CCDC186: variants seen among roughly 807,000 people sequenced by gnomAD.
CCDC186 encodes the protein coiled-coil domain containing 186.
CCDC186 carries 49 observed loss-of-function variants against 113.7 expected under a neutral mutation model. The observed-to-expected ratio is 0.43, with a 90% confidence interval of 0.34 to 0.55. The LOEUF (loss-of-function observed/expected upper bound fraction) is 0.55, where lower values mean the gene tolerates loss of function less well. CCDC186 is among the 20% of genes least tolerant of loss of function. The pLI, the probability that CCDC186 is intolerant of heterozygous loss-of-function variation, is 0.02. For missense variants in CCDC186, 890 were observed against 1,011.1 expected (o/e 0.88, Z 1.62); for synonymous variants, 355 against 345.8 (o/e 1.03, Z -0.30).
chr10:114,127,045 C>T (rs1443954347), intron 14 of CCDC186, among the ~76,000 whole-genome samples: 3 of 152,016 alleles, frequency 2.0e-5, no homozygotes, highest in African/African-American at 4.8e-5. Flanking sequence ...AATGAGATAC[C>T]GCCAAGCCAC....
chr10:114,131,471 T>G, intron 11 of CCDC186, 135 bp from the exon 12 acceptor site: 1 of 721,896 alleles, frequency 1.4e-6, no homozygotes, highest in South Asian at 3.0e-5. Flanking sequence ...CAGCTTTTGT[T>G]TACTTGAGCT....
At chr10:114,142,754 A>G (rs1024040596) in intron 6 of CCDC186, among the ~76,000 whole-genome samples, 1 of 152,234 alleles carries the variant, frequency 6.6e-6, no homozygotes, top group Non-Finnish European at 1.5e-5. Context: ...ACAGGACTGC[A>G]GTATTATTAG....
intron 6 of CCDC186, among the ~76,000 whole-genome samples, chr10:114,140,379 C>T (rs2031427773): frequency 6.6e-6 from 1 of 152,080 alleles, no homozygotes; most frequent in African/African-American, 2.4e-5. Flanking sequence ...AGGCTTTTGG[C>T]CTGAGCAATG....
At chr10:114,159,079 T>TA (rs1431128424) in intron 2 of CCDC186, among the ~76,000 whole-genome samples, 1 of 152,224 alleles carries the variant, frequency 6.6e-6, no homozygotes, top group African/African-American at 2.4e-5. Flanking sequence ...GTAGTCTAGA[T>TA]AGGCCTCTCT....
At chr10:114,149,750 A>G (rs1401549558) in intron 4 of CCDC186, among the ~76,000 whole-genome samples, 2 of 40,808 alleles carry the variant, frequency 4.9e-5, no homozygotes, top group Non-Finnish European at 1.1e-4. Flanking sequence ...GGAAGGCAGG[A>G]AGGCAGGAAG....
At chr10:114,160,823 T>C (rs1589630078) in intron 2 of CCDC186, among the ~76,000 whole-genome samples, 2 of 152,356 alleles carry the variant, frequency 1.3e-5, no homozygotes, top group East Asian at 3.9e-4. Flanking sequence ...AGAGTTAACC[T>C]GACTCACAAA....
chr10:114,165,849 C>CCA, intron 1 of CCDC186: 2 of 685,852 alleles, frequency 2.9e-6, no homozygotes, highest in Non-Finnish European at 3.4e-6. Context: ...CACTTTGTCT[C>CCA]AAAAAAAAAA....
chr10:114,149,564 AAAGGGAAGGGAAGGG>A lies in CCDC186; in HGVS notation c.888+1513_888+1527del, dbSNP rs750496913. Among the ~76,000 whole-genome samples, 464 of 47,836 alleles carry A rather than the reference AAAGGGAAGGGAAGGG, an allele frequency of 9.7e-3. 4 individuals are homozygous for A. Among genetic ancestry groups the A allele is most frequent in the African/African-American group, 0.019 (203 of 10,956 alleles). The allele number at this position is 47,836 out of a possible 152,430, so 31.4% of individuals were successfully genotyped here. On this transcript the variant is annotated intron_variant, in intron 4 of 15. Transcript: ENST00000369287. Reference sequence around the variant, plus strand: ...GAAGGGAAGGGAAGGGAAGGAAAGGAAAGGGAAGGGAAGGGAAGGGAAGGGAAGGGAAGGGAAGGG... The same window carrying A: ...GAAGGGAAGGGAAGGGAAGGAAAGGAAAGGGAAGGGAAGGGAAGGGAAGGG...
At chr10:114,150,974 G>C in intron 4 of CCDC186, 118 bp downstream of exon 4, 1 of 1,188,944 alleles carries the variant, frequency 8.4e-7, no homozygotes, top group Non-Finnish European at 1.1e-6. Flanking sequence ...TTATATAAAA[G>C]AATCACCTAG....
chr10:114,160,377 G>A (rs996637628), intron 2 of CCDC186, among the ~76,000 whole-genome samples: 3 of 152,164 alleles, frequency 2.0e-5, no homozygotes, highest in African/African-American at 7.2e-5. Flanking sequence ...GGCACAGGGG[G>A]TGAGGGAAAA....
At position 114,135,048 on chromosome 10, in the gene CCDC186, C is replaced by T. The variant is rs143940246; in HGVS notation, c.1520G>A (p.Cys507Tyr). The change falls in exon 10 of 16, where the codon TGT becomes TAT. Residue 507 changes from cysteine (C) to tyrosine (Y), a missense_variant. Physicochemically the swap from Cys to Tyr is radical, Grantham distance 194. Transcript: ENST00000369287. Reference protein sequence around the residue: ...ELRTLRTKVKCLEDERLRTED... With the variant: ...ELRTLRTKVKYLEDERLRTED... Reference sequence around the variant, plus strand: ...TGTTCTTAATCGTTCATCTTCTAGACATTTCACCTATCAAATGATCACAAC... The same window carrying T: ...TGTTCTTAATCGTTCATCTTCTAGATATTTCACCTATCAAATGATCACAAC... 8.1e-6 allele frequency: 13 copies of T among 1,604,436 alleles called. No individual in the cohort carries two copies. In the African/African-American group the frequency reaches 1.1e-4, roughly 13 times the overall value.
Position 114,123,131 on chromosome 10 carries a change from T to G in CCDC186, c.*2012A>C, listed in dbSNP as rs1392385026. The G allele has an allele frequency of 6.6e-6, 1 of 152,630 alleles. No individual in the cohort carries two copies. Among genetic ancestry groups the G allele is most frequent in the Non-Finnish European group, 1.5e-5 (1 of 68,020 alleles). 9.5% of individuals were successfully genotyped at this position (152,630 alleles called of 1,614,324 possible). A position where few individuals can be genotyped will look rare whatever the true frequency, so the allele number is the denominator to read the frequency against. ...ACTAGAAAAATTTAGTTATGTTGCC[T>G]ACTCAAAGTAGTCTTTAGGAGTGTT... On this transcript the variant is annotated 3_prime_UTR_variant, in exon 16 of 16. Transcript: ENST00000369287.
Position 114,136,244 on chromosome 10 carries a change from C to A in CCDC186, c.1329G>T (p.Glu443Asp). ...NCQDMIKTYQ[E>D]SEEIKSNELD... ...GCTCATTTGATTTAATTTCTTCTGA[C>A]TCCTAGTGGAAAGAAAACAAAAAAA... is the stretch of plus-strand genomic sequence containing the variant. Residue 443 changes from glutamate to aspartate, a missense_variant and splice_region_variant, in exon 8 of 16, where the codon GAG becomes GAT. Physicochemically the swap from Glu to Asp is conservative, Grantham distance 45 (BLOSUM62 2). Coordinates refer to ENST00000369287, the MANE Select transcript of CCDC186 (RefSeq NM_018017.4). 1 of 1,607,254 alleles carries A rather than the reference C, an allele frequency of 6.2e-7. No homozygotes were observed. The highest frequency in any genetic ancestry group is 1.1e-5 in the South Asian group (1 of 90,614).
chr10:114,135,199 G>A, intron 9 of CCDC186, 144 bp from the exon 10 acceptor site: 2 of 828,848 alleles, frequency 2.4e-6, no homozygotes, highest in Non-Finnish European at 3.4e-6. Flanking sequence ...TACAATCCTA[G>A]CTTTTAGTCT....
intron 1 of CCDC186, among the ~76,000 whole-genome samples, chr10:114,171,591 AT>A (rs1278317048): frequency 2.6e-5 from 4 of 151,826 alleles, no homozygotes; most frequent in South Asian, 2.1e-4. Flanking sequence ...TTTAAAAAAA[AT>A]TTTTTTTCAA....
At chr10:114,154,684 C>T (rs2031959393) in intron 3 of CCDC186, among the ~76,000 whole-genome samples, 1 of 152,120 alleles carries the variant, frequency 6.6e-6, no homozygotes, top group Admixed American at 6.5e-5. Flanking sequence ...CAAAAAGTAA[C>T]ACTTCCCAAC....
At chr10:114,142,505 G>A (rs2031501675) in intron 6 of CCDC186, among the ~76,000 whole-genome samples, 1 of 152,210 alleles carries the variant, frequency 6.6e-6, no homozygotes, top group African/African-American at 2.4e-5. Flanking sequence ...AGTAGATGAG[G>A]TACACTGGGG....
In CCDC186 at chr10:114,127,641, T is replaced by C; in HGVS notation, c.2213A>G (p.Asp738Gly). The C allele has an allele frequency of 6.2e-7, 1 of 1,614,036 alleles. No homozygotes were observed. The highest frequency in any genetic ancestry group is 8.5e-7 in the Non-Finnish European group (1 of 1,179,978). Residue 738 changes from aspartate (D) to glycine (G), a missense_variant, in exon 14 of 16, where the codon GAT becomes GGT. Coordinates refer to ENST00000369287, the MANE Select transcript of CCDC186 (RefSeq NM_018017.4). ...GGACCCAGTATTTTCTGGAGATCGATCTTCTGCACTGCTTCGAGCATTCAG... is the reference window on the plus strand; with the variant it reads ...GGACCCAGTATTTTCTGGAGATCGACCTTCTGCACTGCTTCGAGCATTCAG... ...GSLNARSSAE[D>G]RSPENTGSSV...
chr10:114,150,440 G>A (rs192639296), intron 4 of CCDC186, among the ~76,000 whole-genome samples: 1 of 152,218 alleles, frequency 6.6e-6, no homozygotes, highest in East Asian at 1.9e-4. Flanking sequence ...AAAAGTATAT[G>A]ACCATGTACA....
Sources: allele counts gnomAD v4.1 joint callset (sites outside exome capture counted in the v4.1 genomes callset), GRCh38; gene constraint gnomAD v4.1.1; transcripts MANE v1.5; gene names NCBI Gene and HGNC (gene_info 2026-07-23, HGNC 2026-07-21).